ADGRB3: variants seen among roughly 807,000 people sequenced by gnomAD.
ADGRB3 encodes the protein brain-specific angiogenesis inhibitor 3.
Under a neutral mutation model 193.4 loss-of-function variants are expected in ADGRB3, and 37 were observed. That is an observed-to-expected ratio of 0.19 (90% confidence interval 0.15 to 0.25). ADGRB3 has a LOEUF of 0.25. ADGRB3 is among the 10% of genes least tolerant of loss of function. ADGRB3 has a pLI of 1.00. For missense variants in ADGRB3, 1,637 were observed against 1,852.9 expected (o/e 0.88, Z 2.14); for synonymous variants, 690 against 644.2 (o/e 1.07, Z -1.08).
intron 3 of ADGRB3, among the ~76,000 whole-genome samples, chr6:68,851,231 T>C (rs1582254260): frequency 2.0e-5 from 3 of 151,288 alleles, no homozygotes; most frequent in Non-Finnish European, 4.4e-5. Context: ...TCTTCTCTCT[T>C]TGCCTCCTTC....
At chr6:69,201,786 C>T (rs2038999) in intron 17 of ADGRB3, among the ~76,000 whole-genome samples, 21,929 of 151,978 alleles carry the variant, frequency 0.14, 1,621 homozygotes, top group Middle Eastern at 0.16. Context: ...ACCCTATTTC[C>T]TCCCTGAATG....
At chr6:69,185,971 A>G (rs1003053530) in intron 17 of ADGRB3, among the ~76,000 whole-genome samples, 3 of 152,066 alleles carry the variant, frequency 2.0e-5, no homozygotes, top group Non-Finnish European at 4.4e-5. Context: ...TGAGTAAAAG[A>G]AAGAAAATCA....
intron 17 of ADGRB3, among the ~76,000 whole-genome samples, chr6:69,107,452 TAA>T (rs1231534264): frequency 3.3e-5 from 5 of 152,138 alleles, no homozygotes; most frequent in African/African-American, 7.2e-5. Context: ...GTGCTAGGAG[TAA>T]AAGAGTTTTG....
intron 6 of ADGRB3, among the ~76,000 whole-genome samples, chr6:68,953,189 C>G (rs953820848): frequency 1.3e-5 from 2 of 152,088 alleles, no homozygotes; most frequent in Non-Finnish European, 2.9e-5. Flanking sequence ...CTCTTATTCT[C>G]TCTTTGCCAG....
chr6:68,922,804 G>T (rs1767081126), intron 3 of ADGRB3, among the ~76,000 whole-genome samples: 1 of 152,030 alleles, frequency 6.6e-6, no homozygotes, highest in African/African-American at 2.4e-5. Context: ...AGTTAAAATG[G>T]TCTTAACTAT....
At chr6:68,956,352 C>A (rs1017425899) in intron 7 of ADGRB3, among the ~76,000 whole-genome samples, 164 bp downstream of exon 7, 2 of 150,630 alleles carry the variant, frequency 1.3e-5, no homozygotes, top group Non-Finnish European at 3.0e-5. Flanking sequence ...TTAATGAAGC[C>A]GATTATACCA....
chr6:68,644,019 A>C (rs80116281), intron 3 of ADGRB3, among the ~76,000 whole-genome samples: 3,042 of 148,270 alleles, frequency 0.021, 91 homozygotes, highest in African/African-American at 0.07. Context: ...AACAACAAAC[A>C]AAAAAAAAAC....
At chr6:68,893,065 A>G (rs578166607) in intron 3 of ADGRB3, among the ~76,000 whole-genome samples, 1 of 152,232 alleles carries the variant, frequency 6.6e-6, no homozygotes, top group Non-Finnish European at 1.5e-5. Flanking sequence ...ATTTTTGCTC[A>G]GGGTATTTTC....
At chr6:68,722,798 A>G (rs904554698) in intron 3 of ADGRB3, among the ~76,000 whole-genome samples, 5 of 151,658 alleles carry the variant, frequency 3.3e-5, no homozygotes, top group Admixed American at 2.0e-4. Flanking sequence ...CCTAAAGGAT[A>G]TTTTAGACAG....
intron 11 of ADGRB3, among the ~76,000 whole-genome samples, chr6:68,996,837 C>A (rs1427759182): frequency 6.6e-6 from 1 of 152,088 alleles, no homozygotes. Context: ...CCACCTCCTG[C>A]AAATAAGATT....
intron 11 of ADGRB3, among the ~76,000 whole-genome samples, chr6:69,009,000 T>C (rs1769854693): frequency 1.3e-5 from 2 of 151,706 alleles, no homozygotes; most frequent in East Asian, 2.0e-4. Context: ...GGCAGGAAAT[T>C]AGGTATAAAC....
intron 3 of ADGRB3, among the ~76,000 whole-genome samples, chr6:68,849,344 A>G (rs1181937898): frequency 6.6e-6 from 1 of 151,218 alleles, no homozygotes; most frequent in East Asian, 1.9e-4. Flanking sequence ...ATTCTAATTT[A>G]CAATTCAAAA....
At chr6:68,671,949 A>G (rs1768972022) in intron 3 of ADGRB3, among the ~76,000 whole-genome samples, 1 of 151,856 alleles carries the variant, frequency 6.6e-6, no homozygotes, top group South Asian at 2.1e-4. Context: ...GTTGTTTATT[A>G]TTGGTCTGTT....
At chr6:69,147,400 ACAC>A (rs1013088467) in intron 17 of ADGRB3, among the ~76,000 whole-genome samples, 11 of 152,086 alleles carry the variant, frequency 7.2e-5, no homozygotes, top group Non-Finnish European at 1.5e-4. Flanking sequence ...TTTTTATTAC[ACAC>A]TGGTCATTCG....
At chr6:69,157,333 G>A (rs998700123) in intron 17 of ADGRB3, among the ~76,000 whole-genome samples, 1 of 152,160 alleles carries the variant, frequency 6.6e-6, no homozygotes, top group Non-Finnish European at 1.5e-5. Flanking sequence ...TAGGTGTTTG[G>A]GGAGCTTCTG....
chr6:68,677,295 A>T (rs1769116491), intron 3 of ADGRB3, among the ~76,000 whole-genome samples: 2 of 152,128 alleles, frequency 1.3e-5, no homozygotes, highest in Admixed American at 1.3e-4. Context: ...GTGCATTTAT[A>T]CTGGCTCTGG....
chr6:69,141,185 GCCATCTC>G (rs1774331816), intron 17 of ADGRB3, among the ~76,000 whole-genome samples: 1 of 151,136 alleles, frequency 6.6e-6, no homozygotes, highest in African/African-American at 2.4e-5. Context: ...GTGCAGTGGC[GCCATCTC>G]GGCTCACTGC....
intron 11 of ADGRB3, among the ~76,000 whole-genome samples, chr6:69,009,178 T>C (rs1769859784): frequency 6.6e-6 from 1 of 152,156 alleles, no homozygotes; most frequent in East Asian, 1.9e-4. Context: ...AACTTGATTA[T>C]AAACTAGTAG....
chr6:68,961,114 C>A (rs182245585), intron 8 of ADGRB3, among the ~76,000 whole-genome samples: 2 of 152,136 alleles, frequency 1.3e-5, no homozygotes, highest in African/African-American at 4.8e-5. Context: ...TTTTGAATGC[C>A]TCTAGCCAAC....
Sources: allele counts gnomAD v4.1 joint callset (sites outside exome capture counted in the v4.1 genomes callset), GRCh38; gene constraint gnomAD v4.1.1; transcripts MANE v1.5; gene names NCBI Gene and HGNC (gene_info 2026-07-23, HGNC 2026-07-21).